The following LMF1 variants were observed in gnomAD, a reference collection of about 807,000 sequenced individuals.
The protein encoded by LMF1 is transmembrane protein 112.
Under a neutral mutation model 60.6 loss-of-function variants are expected in LMF1, and 68 were observed. That is an observed-to-expected ratio of 1.12 (90% CI 0.92 to 1.37). The LOEUF (loss-of-function observed/expected upper bound fraction) is 1.37. Ranked by LOEUF, LMF1 falls within the 40% of genes most tolerant of loss-of-function variation. LMF1 has a pLI of 0.00. For synonymous variants in LMF1, 418 were observed against 324.7 expected (o/e 1.29, Z -3.09); for missense variants, 948 against 767.2 (o/e 1.24, Z -2.78).
intron 3 of LMF1, chr16:931,734 C>T (rs558300118): frequency 6.5e-5 from 84 of 1,287,184 alleles, no homozygotes; most frequent in East Asian, 1.7e-4. Flanking sequence ...AGAGCACTGC[C>T]GAAGCTACTA....
rs56165415 is a variant in LMF1 at position 870,571 on chromosome 16, G to A, written c.1232+158C>T. On this transcript the variant is annotated intron_variant, in intron 8 of 10. Transcript: ENST00000262301. ...GAGGCCTGCGTGTCCAGGCCCGGTAGTGGGGACAGCACGGCCTGTGCCTGG... is the reference window on the plus strand; with the variant it reads ...GAGGCCTGCGTGTCCAGGCCCGGTAATGGGGACAGCACGGCCTGTGCCTGG... Among the ~76,000 whole-genome samples, 5,423 of 152,332 alleles carry A rather than the reference G, an allele frequency of 0.036. 288 individuals carry two copies. The highest frequency in any genetic ancestry group is 0.12 in the African/African-American group (4,789 of 41,568).
rs562526019 is a variant in LMF1 at position 892,815 on chromosome 16, G to A, written c.729+192C>T. Among the ~76,000 whole-genome samples the A allele has an allele frequency of 2.0e-4, 30 of 152,290 alleles. No individual in the cohort carries two copies. In the East Asian group the frequency reaches 4.8e-3, roughly 25 times the overall value. ...GAGACCATGGAGGGCCACAGACCCC[G>A]TCCCCGCAGCCCCAGCAAGCCCCCG... On this transcript the variant is annotated intron_variant, in intron 5 of 10. Transcript: ENST00000262301.
upstream of LMF1, chr16:975,867 G>A (rs1343818692): frequency 8.8e-6 from 4 of 452,024 alleles, no homozygotes; most frequent in East Asian, 1.4e-4. Flanking sequence ...GGCCCATTTC[G>A]AGAAAGCAGG....
Position 955,646 on chromosome 16 carries a change from A to G in LMF1, c.194-980T>C, listed in dbSNP as rs183510131. Among the ~76,000 whole-genome samples, 434 of 152,376 alleles carry G rather than the reference A, an allele frequency of 2.8e-3. 7 individuals carry two copies. The highest frequency in any genetic ancestry group is 9.9e-3 in the African/African-American group (411 of 41,586). ...ACGCATACGCATAGAAGCAAACTAG[A>G]TGCTTGTATATAAATTCCGTGTCTG... On this transcript the variant is annotated intron_variant, in intron 1 of 10. Transcript: ENST00000262301.
At chr16:970,008 C>T (rs116168632) in intron 1 of LMF1, among the ~76,000 whole-genome samples, 1,676 of 152,296 alleles carry the variant, frequency 0.011, 27 homozygotes, top group African/African-American at 0.038. Context: ...ACGCGGGCCC[C>T]GCACAGCTGT....
intron 3 of LMF1, among the ~76,000 whole-genome samples, chr16:921,502 C>T (rs1032197152): frequency 4.6e-5 from 7 of 152,360 alleles, no homozygotes; most frequent in East Asian, 3.9e-4. Flanking sequence ...ACGCTCCACG[C>T]GTTCTCACAG....
intron 1 of LMF1, 49 bp from the exon 2 acceptor site, chr16:954,715 G>C (rs1213036441): frequency 6.6e-7 from 1 of 1,515,490 alleles, no homozygotes. Flanking sequence ...CAAACCACAT[G>C]TGGACACCAT....
In LMF1 at chr16:874,292, G is replaced by A. The variant is rs1409388903; in HGVS notation, c.898-2951C>T. Reference sequence around the variant, plus strand: ...TGTGCGGGGCTGGCAGGGCCTCCGGGCCTCTGTCTTGAGCGGGCGTGGGGT... The same window carrying A: ...TGTGCGGGGCTGGCAGGGCCTCCGGACCTCTGTCTTGAGCGGGCGTGGGGT... On this transcript the variant is annotated intron_variant, in intron 6 of 10. Coordinates refer to ENST00000262301, the MANE Select transcript of LMF1 (RefSeq NM_022773.4). The surrounding 1 kb of genome is among the most constrained non-coding windows in gnomAD (Gnocchi z 4.1). Among the ~76,000 whole-genome samples the A allele has an allele frequency of 6.7e-6, 1 of 149,394 alleles. No individual in the cohort carries two copies. The highest frequency in any genetic ancestry group is 1.5e-5 in the Non-Finnish European group (1 of 67,078).
chr16:860,102 ATTAAG>A (rs2069412120), intron 10 of LMF1, among the ~76,000 whole-genome samples: 1 of 150,760 alleles, frequency 6.6e-6, no homozygotes, highest in East Asian at 1.9e-4. Context: ...TTATTTTAGT[ATTAAG>A]TTATGAAACT....
intron 2 of LMF1, among the ~76,000 whole-genome samples, chr16:936,443 CTGGGAGGGAGGGAGGG>C (rs2071949078): frequency 1.6e-5 from 2 of 127,876 alleles, no homozygotes; most frequent in South Asian, 5.9e-4. Context: ...AGGAAGGAGG[CTGGGAGGGAGGGAGGG>C]CACCCCGTGG....
At chr16:947,336 A>T (rs1190561901) in intron 2 of LMF1, 1 of 383,938 alleles carries the variant, frequency 2.6e-6, no homozygotes, top group Non-Finnish European at 5.2e-6. Flanking sequence ...CCACCCACCC[A>T]GTTGGGGCTA....
chr16:895,652 G>A (rs1380833501), intron 4 of LMF1, among the ~76,000 whole-genome samples: 1 of 152,164 alleles, frequency 6.6e-6, no homozygotes, highest in Non-Finnish European at 1.5e-5. Context: ...AGGAGAGGCT[G>A]CACCGCGCCC....
chr16:979,691 C>G, intron 1 of LMF1: 2 of 454,124 alleles, frequency 4.4e-6, no homozygotes, highest in South Asian at 3.1e-5. Flanking sequence ...AACTGCTTTT[C>G]TTTGGCAAAG....
At chr16:883,276 C>G (rs1352806384) in intron 5 of LMF1, among the ~76,000 whole-genome samples, 1 of 146,002 alleles carries the variant, frequency 6.8e-6, no homozygotes, top group Non-Finnish European at 1.5e-5. Context: ...AGGAGCTGCT[C>G]AGCAGAAGAG....
At chr16:922,766 G>C (rs112053220) in intron 3 of LMF1, among the ~76,000 whole-genome samples, 88 of 121,298 alleles carry the variant, frequency 7.3e-4, no homozygotes, top group African/African-American at 1.6e-3. Context: ...TGTTGCGAAG[G>C]CCCTGTGTGA....
intron 10 of LMF1, among the ~76,000 whole-genome samples, chr16:861,814 C>G (rs904564221): frequency 1.3e-5 from 2 of 152,206 alleles, no homozygotes; most frequent in Non-Finnish European, 2.9e-5. Flanking sequence ...GCTTCCAGCA[C>G]CATGCCGGAT....
chr16:947,123 C>A (rs781564236), intron 2 of LMF1, among the ~76,000 whole-genome samples: 5 of 152,242 alleles, frequency 3.3e-5, no homozygotes, highest in Non-Finnish European at 7.3e-5. Context: ...CGACCATGAC[C>A]CGGCTGACAG....
intron 10 of LMF1, among the ~76,000 whole-genome samples, chr16:858,981 G>GC (rs2069319929): frequency 2.0e-5 from 2 of 99,214 alleles, no homozygotes; most frequent in Non-Finnish European, 3.8e-5. Flanking sequence ...GTCACGGGAC[G>GC]GGTGTGCAGT....
chr16:972,438 G>A (rs762763737), upstream of LMF1, among the ~76,000 whole-genome samples: 40 of 152,286 alleles, frequency 2.6e-4, no homozygotes, highest in Non-Finnish European at 5.3e-4. Context: ...CGGCACCCAA[G>A]TCCCTCCACA....
Sources: gnomAD v4.1 joint callset for allele counts (sites outside exome capture counted in the v4.1 genomes callset) on GRCh38, gnomAD v4.1.1 for gene constraint, Gnocchi (gnomAD v3.1) non-coding constraint, MANE v1.5 for transcripts, NCBI Gene and HGNC (gene_info 2026-07-23, HGNC 2026-07-21) for gene names.